Variants in ZNF562 observed in about 807,000 individuals in gnomAD.
ZNF562 encodes the protein zinc finger protein 562.
In ZNF562, 13 loss-of-function variants were observed where a neutral mutation model predicts 17.5. The ratio of observed to expected loss-of-function variants is 0.74; its 90% confidence interval spans 0.48 to 1.18. The LOEUF (loss-of-function observed/expected upper bound fraction) is 1.18. ZNF562 is among the 50% of genes most tolerant of loss of function. The pLI is 0.00. For synonymous variants in ZNF562, 163 were observed against 165.4 expected (o/e 0.99, Z 0.11); for missense variants, 481 against 498.5 (o/e 0.96, Z 0.33).
At chr19:9,662,577 G>A (rs545063811) in intron 1 of ZNF562, among the ~76,000 whole-genome samples, 2 of 151,388 alleles carry the variant, frequency 1.3e-5, no homozygotes, top group South Asian at 2.1e-4. Flanking sequence ...AAAAAAAAGA[G>A]AGAAAGAAAA....
intron 5 of ZNF562, among the ~76,000 whole-genome samples, 194 bp downstream of exon 5, chr19:9,656,351 TAC>T (rs2043483607): frequency 6.6e-6 from 1 of 151,576 alleles, no homozygotes; most frequent in South Asian, 2.1e-4. Context: ...CTACTATAAA[TAC>T]AATAAATTAG....
At position 9,652,904 on chromosome 19, in the gene ZNF562, A is replaced by C; in HGVS notation, c.*45T>G. On this transcript the variant is annotated 3_prime_UTR_variant, in exon 6 of 6. Coordinates refer to ENST00000453372, the MANE Select transcript of ZNF562 (RefSeq NM_001130031.2). ...AGGTTTCTCTCTGGTAGGAGTTCAC[A>C]GGTGGGGTGAGGAATACAGAAATTC... The C allele has an allele frequency of 1.4e-6, 2 of 1,460,524 alleles. No individual in the cohort carries two copies. Among genetic ancestry groups the C allele is most frequent in the Non-Finnish European group, 1.8e-6 (2 of 1,103,172 alleles). 90.5% of individuals were successfully genotyped at this position (1,460,524 alleles called of 1,614,324 possible).
intron 5 of ZNF562, 122 bp from the exon 6 acceptor site, chr19:9,654,003 T>C (rs2043367038): frequency 4.9e-6 from 6 of 1,226,736 alleles, no homozygotes; most frequent in Middle Eastern, 2.4e-4. Context: ...TTTTTTTTTT[T>C]TTTTTGAGAC....
At chr19:9,665,067 C>A (rs2043898720) in intron 1 of ZNF562, among the ~76,000 whole-genome samples, 1 of 151,562 alleles carries the variant, frequency 6.6e-6, no homozygotes, top group Non-Finnish European at 1.5e-5. Context: ...ACTGAAAATA[C>A]AAACATTAGC....
At chr19:9,659,975 A>C (rs932444936) in intron 2 of ZNF562, among the ~76,000 whole-genome samples, 3 of 119,914 alleles carry the variant, frequency 2.5e-5, no homozygotes, top group African/African-American at 9.8e-5. Context: ...AAAAAAAAAA[A>C]AAACTACAGG....
At position 9,658,086 on chromosome 19, in the gene ZNF562, C is replaced by A. The variant is rs1394327884; in HGVS notation, c.164G>T (p.Trp55Leu). Residue 55 changes from tryptophan (W) to leucine (L), a missense_variant, in exon 4 of 6, where the codon TGG (tryptophan) becomes TTG (leucine). Trp to Leu is a moderately conservative substitution (Grantham distance 61). Transcript: ENST00000453372. ...DVAVEFTPEE[W>L]ALLDTTQKYL... is the part of the protein sequence containing the mutation. ...TTTCTGAGTTGTGTCCAGTAAAGCC[C>A]ACTCCTCTGGGGTGAACTCCACAGC... 6.2e-7 allele frequency: 1 copy of A among 1,614,036 alleles called. No individual in the cohort carries two copies. Among genetic ancestry groups the A allele is most frequent in the Admixed American group, 1.7e-5 (1 of 59,998 alleles).
rs1480857233 is a variant in ZNF562 at position 9,642,301 on chromosome 19, A to AC, written c.*10647_*10648insG. ...TTTTTTTTCTTTAAAAAAAAAAAAA[A>AC]AAACAGGGTTTCACTCTGTCACACA... On this transcript the variant is annotated 3_prime_UTR_variant, in exon 6 of 6. Transcript: ENST00000453372. 2 of 151,842 alleles carry AC rather than the reference A, an allele frequency of 1.3e-5. No homozygotes were observed. Among genetic ancestry groups the AC allele is most frequent in the Non-Finnish European group, 2.9e-5 (2 of 67,958 alleles). The allele number at this position is 151,842 out of a possible 1,614,324, so 9.4% of individuals were successfully genotyped here.
intron 5 of ZNF562, 127 bp from the exon 6 acceptor site, chr19:9,654,008 TGAGAC>T (rs2043367474): frequency 9.4e-7 from 1 of 1,064,608 alleles, no homozygotes. Context: ...TTTTTTTTTT[TGAGAC>T]AGAGTCTTGT....
intron 5 of ZNF562, among the ~76,000 whole-genome samples, chr19:9,655,279 G>A (rs979846931): frequency 2.0e-5 from 3 of 151,564 alleles, no homozygotes; most frequent in African/African-American, 7.3e-5. Flanking sequence ...GTCAGCCATT[G>A]CACCCAGCCA....
chr19:9,669,722 G>T (rs868291058), intron 1 of ZNF562, among the ~76,000 whole-genome samples: 1,712 of 97,374 alleles, frequency 0.018, 45 homozygotes, highest in African/African-American at 0.063. Context: ...GCGCGAGCGC[G>T]CGCGCGCGCG....
chr19:9,670,973 C>T (rs1301233456), intron 1 of ZNF562, among the ~76,000 whole-genome samples: 3 of 148,622 alleles, frequency 2.0e-5, no homozygotes, highest in Non-Finnish European at 4.4e-5. Flanking sequence ...GCATTCTAGC[C>T]TGGGTGACGG....
intron 3 of ZNF562, chr19:9,658,461 T>A (rs530330753): frequency 2.3e-6 from 1 of 427,966 alleles, no homozygotes; most frequent in East Asian, 1.6e-4. Flanking sequence ...GTGATTCTCA[T>A]GCCTCAGCCT....
intron 1 of ZNF562, among the ~76,000 whole-genome samples, chr19:9,674,225 G>C (rs888841782): frequency 6.6e-6 from 1 of 152,110 alleles, no homozygotes; most frequent in Non-Finnish European, 1.5e-5. Flanking sequence ...CAGGAAATTG[G>C]AATGAGTCAG....
chr19:9,674,061 G>A (rs953139878), intron 1 of ZNF562, among the ~76,000 whole-genome samples: 1 of 152,236 alleles, frequency 6.6e-6, no homozygotes, highest in African/African-American at 2.4e-5. Context: ...CAAGGGAGGG[G>A]AAGGGGTTCT....
At chr19:9,654,227 G>C (rs2043375329) in intron 5 of ZNF562, among the ~76,000 whole-genome samples, 1 of 152,008 alleles carries the variant, frequency 6.6e-6, no homozygotes, top group South Asian at 2.1e-4. Flanking sequence ...CTGAGTTCAG[G>C]TGAACTGCCT....
rs114615992 is a variant in ZNF562, at chr19:9,666,885, C to A, written c.-130-6011G>T. ...AGATCAAAGTGATAACAAAATGAATCCCATCAAAGAAAAGCCCAGGACCTG... is the reference window on the plus strand; with the variant it reads ...AGATCAAAGTGATAACAAAATGAATACCATCAAAGAAAAGCCCAGGACCTG... On this transcript the variant is annotated intron_variant, in intron 1 of 5. Transcript: ENST00000453372. Among the ~76,000 whole-genome samples, 1,097 of 152,154 alleles carry A rather than the reference C, an allele frequency of 7.2e-3. 13 individuals are homozygous for A. Among genetic ancestry groups the A allele is most frequent in the African/African-American group, 0.025 (1,028 of 41,528 alleles).
intron 1 of ZNF562, among the ~76,000 whole-genome samples, chr19:9,668,337 C>G (rs2044028203): frequency 6.6e-6 from 1 of 152,036 alleles, no homozygotes; most frequent in Admixed American, 6.6e-5. Flanking sequence ...TACAACTGCA[C>G]CACTGTACTC....
At position 9,649,224 on chromosome 19, in the gene ZNF562, T is replaced by C. The variant is rs1232745930; in HGVS notation, c.*3725A>G. ...GTGATTTCCTATGCCTGTCTTTACT[T>C]TAATCTCTCAATCCTGTCAGCTGAG... is the stretch of plus-strand genomic sequence containing the variant. On this transcript the variant is annotated 3_prime_UTR_variant, in exon 6 of 6. Coordinates refer to ENST00000453372, the MANE Select transcript of ZNF562 (RefSeq NM_001130031.2). 2 of 152,214 alleles carry C rather than the reference T, an allele frequency of 1.3e-5. No individual in the cohort carries two copies. Among genetic ancestry groups the C allele is most frequent in the Admixed American group, 6.5e-5 (1 of 15,274 alleles). The allele number at this position is 152,214 out of a possible 1,614,324, so 9.4% of individuals were successfully genotyped here.
rs1269624737 is a variant in ZNF562 at position 9,652,384 on chromosome 19, C to T, written c.*565G>A. Reference sequence around the variant, plus strand: ...TTGGAGGAGCATCTTTTTAACAATCCACCTCTGGGGCCTACATCATCTTGG... The same window carrying T: ...TTGGAGGAGCATCTTTTTAACAATCTACCTCTGGGGCCTACATCATCTTGG... On this transcript the variant is annotated 3_prime_UTR_variant, in exon 6 of 6. Transcript: ENST00000453372. The T allele has an allele frequency of 6.6e-6, 1 of 152,212 alleles. No homozygotes were observed. Among genetic ancestry groups the T allele is most frequent in the African/African-American group, 2.4e-5 (1 of 41,438 alleles). The allele number at this position is 152,212 out of a possible 1,614,324, so 9.4% of individuals were successfully genotyped here.
Sources: allele counts gnomAD v4.1 joint callset (sites outside exome capture counted in the v4.1 genomes callset), GRCh38; gene constraint gnomAD v4.1.1; transcripts MANE v1.5; gene names NCBI Gene and HGNC (gene_info 2026-07-23, HGNC 2026-07-21).